MDC1: variants seen among roughly 807,000 people sequenced by gnomAD.
MDC1 encodes the protein mediator of DNA damage checkpoint protein 1.
Under a neutral mutation model 142.5 loss-of-function variants are expected in MDC1, and 81 were observed. The ratio of observed to expected loss-of-function variants is 0.57; its 90% CI spans 0.47 to 0.68. MDC1 has a LOEUF of 0.68. Ranked by LOEUF, MDC1 falls within the 30% of genes least tolerant of loss-of-function variation. The pLI, the probability that MDC1 is intolerant of heterozygous loss-of-function variation, is 0.00. For synonymous variants in MDC1, 797 were observed against 968.4 expected (o/e 0.82, Z 3.29); for missense variants, 2,119 against 2,547.9 (o/e 0.83, Z 3.62).
In MDC1 at chr6:30,703,571, G is replaced by C; in HGVS notation, c.5563-34C>G. ...GAGAAAAATCTTGGTGGGAGTTTCAGAGCCCTGAAGTCATTTTTCCCAGCT... is the reference window on the plus strand; with the variant it reads ...GAGAAAAATCTTGGTGGGAGTTTCACAGCCCTGAAGTCATTTTTCCCAGCT... On this transcript the variant is annotated intron_variant, in intron 10 of 14. Transcript: ENST00000376406. The surrounding 1 kb of genome is among the most constrained non-coding windows in gnomAD (Gnocchi z 4.4). 1 of 1,612,592 alleles carries C rather than the reference G, an allele frequency of 6.2e-7. No individual in the cohort carries two copies. The highest frequency in any genetic ancestry group is 1.1e-5 in the South Asian group (1 of 91,064).
At chr6:30,714,975 T>C (rs1775460310) in intron 2 of MDC1, 65 bp downstream of exon 2, 1 of 1,581,716 alleles carries the variant, frequency 6.3e-7, no homozygotes, top group African/African-American at 1.4e-5. Flanking sequence ...CTTGCAACCC[T>C]CCAAATACCT....
At chr6:30,710,452 C>T (rs972067424) in intron 7 of MDC1, among the ~76,000 whole-genome samples, 1 of 151,080 alleles carries the variant, frequency 6.6e-6, no homozygotes, top group African/African-American at 2.4e-5. Flanking sequence ...GGCCAGAGTG[C>T]GATGGCACAA....
intron 14 of MDC1, among the ~76,000 whole-genome samples, chr6:30,701,098 A>G (rs1472915509): frequency 6.7e-6 from 1 of 148,754 alleles, no homozygotes; most frequent in Non-Finnish European, 1.5e-5. Context: ...AAAGAAAAAA[A>G]AAAAAGAAAT....
rs1483287977 is a variant in MDC1 at position 30,711,258 on chromosome 6, C to A, written c.2221+154G>T. 2.6e-5 allele frequency among the ~76,000 whole-genome samples: 4 copies of A among 152,170 alleles called. No individual in the cohort carries two copies. The East Asian group carries it at 7.7e-4, about 29-fold the overall frequency. On this transcript the variant is annotated intron_variant, in intron 7 of 14. Transcript: ENST00000376406. The stretch of plus-strand genomic sequence containing the variant: ...AGGCATGGTCATGGACAGCTGTAAT[C>A]CCAGCTACCTGGGAAGCTGAAGGAA...
In MDC1 at chr6:30,705,871, C is replaced by T; in HGVS notation, c.3312G>A (p.Lys1104=). 1 of 1,610,590 alleles carries T rather than the reference C, an allele frequency of 6.2e-7. No homozygotes were observed. The highest frequency in any genetic ancestry group is 8.5e-7 in the Non-Finnish European group (1 of 1,178,348). The change falls in exon 10 of 15, where the codon AAG becomes AAA. Residue 1104 remains lysine (K), a synonymous_variant. Coordinates refer to ENST00000376406, the MANE Select transcript of MDC1 (RefSeq NM_014641.3). ...AGGACTTCCGAGTTCTAATTTTAGG[C>T]TTTGGGTGGAAAGGCTCCAGCTCTG... is the stretch of plus-strand genomic sequence containing the variant. ...LSSELEPFHP[K]PKIRTRKSSR...
rs1394415292 is a variant in MDC1 at position 30,702,778 on chromosome 6, T to G, written c.5965A>C (p.Arg1989=). 3 of 1,613,040 alleles carry G rather than the reference T, an allele frequency of 1.9e-6. No individual in the cohort carries two copies. The highest frequency in any genetic ancestry group is 2.2e-5 in the East Asian group (1 of 44,894). The change falls in exon 13 of 15, where the codon AGG becomes CGG. Residue 1989 remains arginine (R), a synonymous_variant. Transcript: ENST00000376406. ...TCTAGCAGCCTTCGCTCCCGAGCCC[T>G]GCTCAGTGCGTCTTGAAGGCTAAAG... ...FGFSLQDALS[R]ARERRLLEGY...
chr6:30,704,172 TG>T lies in MDC1; in HGVS notation c.5010del (p.Thr1671ProfsTer5). 1 of 1,613,616 alleles carries T rather than the reference TG, an allele frequency of 6.2e-7. No homozygotes were observed. Among genetic ancestry groups the T allele is most frequent in the Non-Finnish European group, 8.5e-7 (1 of 1,179,742 alleles). ...CCACCCTGAGCTATGGCCTCAGGGG[TG>T]ACGGACTGGTCTGTGGGGGTAAAAG... ...LEPFTPTDQS[V>X]TPEAIAQGGQ... On this transcript the variant is annotated frameshift_variant, in exon 10 of 15. Transcript: ENST00000376406. LOFTEE classifies it high-confidence loss of function.
intron 7 of MDC1, among the ~76,000 whole-genome samples, chr6:30,710,879 C>T (rs1295018991): frequency 2.0e-5 from 3 of 152,124 alleles, no homozygotes; most frequent in Admixed American, 2.0e-4. Context: ...TCCTGGCCTC[C>T]CATGTAACTG....
At position 30,700,300 on chromosome 6, in the gene MDC1, G is replaced by A; in HGVS notation, c.*165C>T. ...ACAAACAAACAAAAAACAACCTGTG[G>A]CTTCCAAATCCCTTATCTTTTCATT... On this transcript the variant is annotated 3_prime_UTR_variant, in exon 15 of 15. Transcript: ENST00000376406. 1 of 626,226 alleles carries A rather than the reference G, an allele frequency of 1.6e-6. No homozygotes were observed. The highest frequency in any genetic ancestry group is 3.0e-5 in the East Asian group (1 of 33,650). 38.8% of individuals were successfully genotyped at this position (626,226 alleles called of 1,614,324 possible).
chr6:30,713,881 C>T lies in MDC1; in HGVS notation c.439G>A (p.Val147Ile), dbSNP rs779415837. ...CCCTGTACTCTGGGTGTCTCTTCTA[C>T]TGTCAGAGGGCCCCGGGAGACAAAG... ...LPFVSRGPLT[V>I]EETPRVQGET... Residue 147 changes from valine (V) to isoleucine (I), a missense_variant, in exon 3 of 15, where the codon GTA becomes ATA. By Grantham distance (29) the Val-to-Ile change is conservative. Coordinates refer to ENST00000376406, the MANE Select transcript of MDC1 (RefSeq NM_014641.3). The surrounding 1 kb of genome is among the most constrained non-coding windows in gnomAD (Gnocchi z 4.9). 31 of 1,614,036 alleles carry T rather than the reference C, an allele frequency of 1.9e-5. No homozygotes were observed. The highest frequency in any genetic ancestry group is 2.5e-5 in the Non-Finnish European group (29 of 1,180,040).
intron 1 of MDC1, chr6:30,717,036 AC>A: frequency 2.6e-6 from 1 of 389,122 alleles, no homozygotes; most frequent in Non-Finnish European, 3.5e-6. Context: ...TTTGGTCCCC[AC>A]CTCAGTGGGT....
rs1453692736 is a variant in MDC1, at chr6:30,711,916, G to T, written c.2026C>A (p.Gln676Lys). The T allele has an allele frequency of 1.3e-6, 2 of 1,537,760 alleles. No homozygotes were observed. The highest frequency in any genetic ancestry group is 1.7e-6 in the Non-Finnish European group (2 of 1,144,672). ...AQVPTGRERE[Q>K]HVGGTKDSED... The stretch of plus-strand genomic sequence containing the variant: ...GAGTCCTTGGTCCCACCCACATGTT[G>T]TTCTCTCTCCCTTCCTGTGGGGACC... Residue 676 changes from glutamine to lysine, a missense_variant, in exon 5 of 15, where the codon CAA (glutamine) becomes AAA (lysine). Transcript: ENST00000376406.
At position 30,705,197 on chromosome 6, in the gene MDC1, G is replaced by A; in HGVS notation, c.3986C>T (p.Ala1329Val). The A allele has an allele frequency of 1.9e-6, 3 of 1,593,902 alleles. No individual in the cohort carries two copies. Among genetic ancestry groups the A allele is most frequent in the Non-Finnish European group, 2.6e-6 (3 of 1,171,118 alleles). The change falls in exon 10 of 15, where the codon GCC becomes GTC. Residue 1329 changes from alanine (A) to valine (V), a missense_variant. Transcript: ENST00000376406. Reference protein sequence around the residue: ...VKTPETVVPTAPELQISTSTD... With the variant: ...VKTPETVVPTVPELQISTSTD... ...GGAGGTGGAAATCTGGAGCTCAGGGGCTGTGGGGACAACTGTTTCAGGGGT... is the reference window on the plus strand; with the variant it reads ...GGAGGTGGAAATCTGGAGCTCAGGGACTGTGGGGACAACTGTTTCAGGGGT...
chr6:30,707,211 T>C (rs1419512800), intron 9 of MDC1, among the ~76,000 whole-genome samples, 173 bp downstream of exon 9: 1 of 151,956 alleles, frequency 6.6e-6, no homozygotes, highest in African/African-American at 2.4e-5. Context: ...GAAACAGATA[T>C]GGAAAACAAC....
Position 30,712,349 on chromosome 6 carries a change from T to A in MDC1, c.1593A>T (p.Pro531=). 1 of 1,613,080 alleles carries A rather than the reference T, an allele frequency of 6.2e-7. No individual in the cohort carries two copies. Among genetic ancestry groups the A allele is most frequent in the Non-Finnish European group, 8.5e-7 (1 of 1,180,046 alleles). Residue 531 remains proline, a synonymous_variant, in exon 5 of 15, where the codon CCA becomes CCT. Transcript: ENST00000376406. This position sits in a 1 kb window ranked among gnomAD's most constrained non-coding sequence, Gnocchi z 4.7. ...TCTTTATATGTATAATGGCTGACCC[T>A]GGCGGGACTTCCTTCTCCACTTGTG... ...INTQVEKEVP[P]GSAIIHIKKH...
At chr6:30,708,715 G>A (rs1774330448) in intron 7 of MDC1, among the ~76,000 whole-genome samples, 1 of 151,738 alleles carries the variant, frequency 6.6e-6, no homozygotes, top group African/African-American at 2.4e-5. Flanking sequence ...AATTAGGTGT[G>A]GGGACGGGGA....
intron 2 of MDC1, 118 bp from the exon 3 acceptor site, chr6:30,714,301 A>C: frequency 8.8e-7 from 1 of 1,134,408 alleles, no homozygotes; most frequent in Non-Finnish European, 1.2e-6. Context: ...TAGAAAAATA[A>C]AAGGCCCTAG....
rs994785020 is a variant in MDC1 at position 30,703,488 on chromosome 6, T to A, written c.5612A>T (p.Glu1871Val). The A allele has an allele frequency of 6.2e-7, 1 of 1,613,882 alleles. No homozygotes were observed. The highest frequency in any genetic ancestry group is 8.5e-7 in the Non-Finnish European group (1 of 1,180,020). ...PGKRKRDQAE[E>V]EPNRIPSRSL... ...GCGGCTTGGTATTCTGTTGGGCTCC[T>A]CCTCTGCCTGGTCTCTCTTTCTCTT... The change falls in exon 11 of 15, where the codon GAG becomes GTG. Residue 1871 changes from glutamate (E) to valine (V), a missense_variant. Transcript: ENST00000376406. The surrounding 1 kb of genome is among the most constrained non-coding windows in gnomAD (Gnocchi z 4.4).
rs1772448072 is a variant in MDC1, at chr6:30,700,565, A to T, written c.6170T>A (p.Leu2057Gln). ...PHCSIPLRVG[L>Q]PLLSPEFLLT... ...CAGGAACTCAGGCGAGAGGAGGGGC[A>T]GCCCAACCCGTAGTGGAATGGAGCA... is the stretch of plus-strand genomic sequence containing the variant. Residue 2057 changes from leucine to glutamine, a missense_variant, in exon 15 of 15, where the codon CTG (leucine) becomes CAG (glutamine). Coordinates refer to ENST00000376406, the MANE Select transcript of MDC1 (RefSeq NM_014641.3). The T allele has an allele frequency of 1.2e-6, 2 of 1,613,012 alleles. No individual in the cohort carries two copies. Among genetic ancestry groups the T allele is most frequent in the Non-Finnish European group, 1.7e-6 (2 of 1,180,004 alleles).
Sources: allele counts gnomAD v4.1 joint callset (sites outside exome capture counted in the v4.1 genomes callset), GRCh38; gene constraint gnomAD v4.1.1; non-coding constraint Gnocchi (gnomAD v3.1); transcripts MANE v1.5; gene names NCBI Gene and HGNC (gene_info 2026-07-23, HGNC 2026-07-21).